The following RBM20 variants were observed in gnomAD, a reference collection of about 807,000 sequenced individuals.
RBM20 encodes the protein RNA-binding protein 20.
In RBM20, 51 loss-of-function variants were observed where a neutral mutation model predicts 110.1. That is an observed-to-expected ratio of 0.46 (90% confidence interval 0.37 to 0.59). The LOEUF (loss-of-function observed/expected upper bound fraction) is 0.59. Ranked by LOEUF, RBM20 falls within the 20% of genes least tolerant of loss-of-function variation. The probability of loss-of-function intolerance (pLI) is 0.00; values close to 1 mark genes in which losing one functional copy is unlikely to be tolerated. For missense variants in RBM20, 1,512 were observed against 1,574.9 expected (o/e 0.96, Z 0.68); for synonymous variants, 589 against 618.2 (o/e 0.95, Z 0.70).
At position 110,644,611 on chromosome 10, in the gene RBM20, C is replaced by A; in HGVS notation, c.157C>A (p.Pro53Thr). Residue 53 changes from proline (P) to threonine (T), a missense_variant, in exon 1 of 14, where the codon CCG becomes ACG. This residue lies in a region of RBM20 where 1,149 missense variants were observed against 1,169.4 expected (regional missense o/e 0.98). Transcript: ENST00000369519. The surrounding 1 kb of genome is among the most constrained non-coding windows in gnomAD (Gnocchi z 4.3). ...QPPPPPQPPP[P>T]PQAGLPQIIQ... ...GCCGCCGCCGCCCCAGCCACCGCCC[C>A]CGCCCCAAGCCGGCCTACCCCAGAT... is the stretch of plus-strand genomic sequence containing the variant. 1 of 1,519,306 alleles carries A rather than the reference C, an allele frequency of 6.6e-7. No homozygotes were observed. Among genetic ancestry groups the A allele is most frequent in the South Asian group, 1.2e-5 (1 of 81,566 alleles). The allele number at this position is 1,519,306 out of a possible 1,614,324, so 94.1% of individuals were successfully genotyped here.
Position 110,649,356 on chromosome 10 carries a change from C to A in RBM20, c.191+4711C>A, listed in dbSNP as rs190219109. On this transcript the variant is annotated intron_variant, in intron 1 of 13. Coordinates refer to ENST00000369519, the MANE Select transcript of RBM20 (RefSeq NM_001134363.3). ...CTCAAGTGAACAAATTGATATAGCTCAATTCACAGGTTTGATAAACAAGAA... is the reference window on the plus strand; with the variant it reads ...CTCAAGTGAACAAATTGATATAGCTAAATTCACAGGTTTGATAAACAAGAA... Among the ~76,000 whole-genome samples, 15 of 152,240 alleles carry A rather than the reference C, an allele frequency of 9.9e-5. No homozygotes were observed. The East Asian group carries it at 2.7e-3, about 27-fold the overall frequency.
intron 7 of RBM20, among the ~76,000 whole-genome samples, chr10:110,806,075 G>A (rs567153826): frequency 1.8e-4 from 27 of 152,172 alleles, no homozygotes; most frequent in Non-Finnish European, 3.2e-4. Flanking sequence ...GGGTTCAAGA[G>A]CAGCCTGACC....
chr10:110,764,330 A>T (rs925037473), intron 1 of RBM20, among the ~76,000 whole-genome samples: 2 of 152,214 alleles, frequency 1.3e-5, no homozygotes, highest in Non-Finnish European at 2.9e-5. Context: ...AACAACAAAA[A>T]ATAGGGAAGT....
chr10:110,672,213 C>T (rs976130225), intron 1 of RBM20, among the ~76,000 whole-genome samples: 1 of 152,222 alleles, frequency 6.6e-6, no homozygotes, highest in African/African-American at 2.4e-5. Flanking sequence ...GGAGGCGATG[C>T]CTGGCGCCGC....
At position 110,812,387 on chromosome 10, in the gene RBM20, C is replaced by T. The variant is rs1279998131; in HGVS notation, c.1990C>T (p.Pro664Ser). The change falls in exon 9 of 14, where the codon CCC becomes TCC. Residue 664 changes from proline to serine, a missense_variant. Transcript: ENST00000369519. ...CAGCTCTTCCCACAGCCCTCCGGGCCCCTCCCGGGCTGACTGGGGCAATGG... is the reference window on the plus strand; with the variant it reads ...CAGCTCTTCCCACAGCCCTCCGGGCTCCTCCCGGGCTGACTGGGGCAATGG... ...SCSSSHSPPG[P>S]SRADWGNGRD... 1.9e-6 allele frequency: 3 copies of T among 1,551,596 alleles called. No individual in the cohort carries two copies. Among genetic ancestry groups the T allele is most frequent in the Non-Finnish European group, 1.7e-6 (2 of 1,147,022 alleles).
chr10:110,801,776 AC>A (rs1425070361), intron 7 of RBM20, among the ~76,000 whole-genome samples: 3 of 145,340 alleles, frequency 2.1e-5, no homozygotes, highest in Admixed American at 7.1e-5. Context: ...CAATATCCTG[AC>A]CTTATGATCT....
rs778742738 is a variant in RBM20 at position 110,784,442 on chromosome 10, G to T, written c.1429+10G>T. 2.7e-5 allele frequency: 42 copies of T among 1,547,232 alleles called. No individual in the cohort carries two copies. The East Asian group carries it at 9.8e-4, about 36-fold the overall frequency. ...CCTGCTGGGAATGAAGGTGAGCAAG[G>T]CCCTACAGGTCAGCAGCTTGAAGCA... is the stretch of plus-strand genomic sequence containing the variant. On this transcript the variant is annotated intron_variant, in intron 4 of 13. Coordinates refer to ENST00000369519, the MANE Select transcript of RBM20 (RefSeq NM_001134363.3).
At chr10:110,824,110 C>T (rs761883138) in intron 12 of RBM20, among the ~76,000 whole-genome samples, 2 of 152,070 alleles carry the variant, frequency 1.3e-5, no homozygotes, top group South Asian at 2.1e-4. Flanking sequence ...TTCAGTCTCC[C>T]GTAATAGACC....
chr10:110,815,724 G>A (rs558944868), intron 9 of RBM20, among the ~76,000 whole-genome samples: 5 of 152,220 alleles, frequency 3.3e-5, no homozygotes, highest in Non-Finnish European at 4.4e-5. Flanking sequence ...TGCTCTCATC[G>A]GTTTGTATAA....
At chr10:110,750,342 C>T (rs1417638) in intron 1 of RBM20, among the ~76,000 whole-genome samples, 53,615 of 152,002 alleles carry the variant, frequency 0.35, 10,438 homozygotes, top group East Asian at 0.54. Context: ...CAGCAAGCTG[C>T]GTCCATGGGT....
intron 4 of RBM20, 99 bp downstream of exon 4, chr10:110,784,531 C>G: frequency 5.5e-6 from 5 of 901,180 alleles, no homozygotes; most frequent in South Asian, 1.4e-5. Context: ...CCTGATGTCC[C>G]CTTCTCACGG....
chr10:110,651,882 C>T (rs1000738470), intron 1 of RBM20, among the ~76,000 whole-genome samples: 1 of 152,140 alleles, frequency 6.6e-6, no homozygotes, highest in Non-Finnish European at 1.5e-5. Flanking sequence ...CATCCTCCTG[C>T]GCTGGCAATA....
intron 1 of RBM20, among the ~76,000 whole-genome samples, chr10:110,758,466 G>A (rs1053002109): frequency 1.3e-5 from 2 of 152,088 alleles, no homozygotes; most frequent in Non-Finnish European, 2.9e-5. Flanking sequence ...GAGTCCACAC[G>A]CCCATACAAA....
intron 1 of RBM20, among the ~76,000 whole-genome samples, chr10:110,753,231 C>T (rs536411792): frequency 2.6e-5 from 4 of 151,260 alleles, no homozygotes; most frequent in African/African-American, 7.3e-5. Context: ...CCGTGCCTGG[C>T]GAAATTATAA....
chr10:110,684,419 C>CA (rs201082363), intron 1 of RBM20, among the ~76,000 whole-genome samples: 163 of 149,316 alleles, frequency 1.1e-3, no homozygotes, highest in Admixed American at 2.1e-3. Context: ...CAAAACAAAA[C>CA]AAAACAAAAG....
chr10:110,772,475 A>G (rs926214020), intron 1 of RBM20, among the ~76,000 whole-genome samples: 1 of 152,226 alleles, frequency 6.6e-6, no homozygotes, highest in African/African-American at 2.4e-5. Context: ...AGATTATAAT[A>G]CTGCATTTTT....
chr10:110,801,238 C>T (rs1844618776), intron 7 of RBM20, among the ~76,000 whole-genome samples: 2 of 151,962 alleles, frequency 1.3e-5, no homozygotes, highest in African/African-American at 4.8e-5. Context: ...AGCAGCCTGG[C>T]CAACATGGTG....
At chr10:110,763,751 C>CTTTTTTT (rs56845100) in intron 1 of RBM20, among the ~76,000 whole-genome samples, 24 of 64,384 alleles carry the variant, frequency 3.7e-4, no homozygotes, top group Non-Finnish European at 4.3e-4. Context: ...GGCTTCTTGG[C>CTTTTTTT]TTTTTTTTTT....
intron 13 of RBM20, among the ~76,000 whole-genome samples, chr10:110,833,803 TGTA>T (rs368102191): frequency 1.1e-3 from 163 of 152,298 alleles, no homozygotes; most frequent in African/African-American, 3.7e-3. Flanking sequence ...CCAACTGCAG[TGTA>T]GCTTTACCTG....
Sources: allele counts gnomAD v4.1 joint callset (sites outside exome capture counted in the v4.1 genomes callset), GRCh38; gene constraint gnomAD v4.1.1; regional missense constraint gnomAD v4.1.1; non-coding constraint Gnocchi (gnomAD v3.1); transcripts MANE v1.5; gene names NCBI Gene and HGNC (gene_info 2026-07-23, HGNC 2026-07-21).